HMCN1: variants seen among roughly 807,000 people sequenced by gnomAD.
HMCN1 encodes the protein hemicentin-1.
A neutral mutation model predicts 625.9 loss-of-function variants in HMCN1; 321 were observed. The observed-to-expected ratio is 0.51, with a 90% CI of 0.47 to 0.56. The LOEUF is 0.56. Ranked by LOEUF, HMCN1 falls within the 20% of genes least tolerant of loss-of-function variation. The probability of loss-of-function intolerance (pLI) is 0.00; values close to 1 mark genes in which losing one functional copy is unlikely to be tolerated. For missense variants in HMCN1, 6,588 were observed against 6,887.3 expected, an observed-to-expected ratio of 0.96 and a Z score of 1.54; for synonymous variants, 2,425 against 2,417.6, an observed-to-expected ratio of 1.00 and a Z score of -0.09.
chr1:186,111,617 A>G (rs1352902301), intron 71 of HMCN1, among the ~76,000 whole-genome samples: 2 of 152,324 alleles, frequency 1.3e-5, no homozygotes, highest in Admixed American at 1.3e-4. Context: ...CTACTGCGGC[A>G]TGGGTGACAG....
chr1:185,813,898 A>G (rs1207331768), intron 1 of HMCN1, among the ~76,000 whole-genome samples: 1 of 152,142 alleles, frequency 6.6e-6, no homozygotes, highest in East Asian at 1.9e-4. Flanking sequence ...TCAAGTTTAG[A>G]CTCATCTTGG....
At position 186,070,634 on chromosome 1, in the gene HMCN1, G is replaced by A; in HGVS notation, c.8016G>A (p.Gly2672=). 2 of 1,612,692 alleles carry A rather than the reference G, an allele frequency of 1.2e-6. No homozygotes were observed. Residue 2672 remains glycine (G), a synonymous_variant, in exon 52 of 107, where the codon GGG becomes GGA. Transcript: ENST00000271588. ...KVYIPPIINK[G]DLWGPGLSPK... ...CAGTTCCACCCATAATCAATAAAGG[G>A]GACCTTTGGGGGCCAGGTCTTTCCC...
chr1:185,852,486 TTTTTGGACATG>T (rs1662221623), intron 2 of HMCN1, among the ~76,000 whole-genome samples: 1 of 151,828 alleles, frequency 6.6e-6, no homozygotes. Context: ...TTGATTTTCA[TTTTTGGACATG>T]ATTAGACATG....
Position 186,088,290 on chromosome 1 carries a change from G to T in HMCN1, c.9577+14G>T. The T allele has an allele frequency of 6.2e-7, 1 of 1,611,852 alleles. No individual in the cohort carries two copies. The highest frequency in any genetic ancestry group is 8.5e-7 in the Non-Finnish European group (1 of 1,178,672). The stretch of plus-strand genomic sequence containing the variant: ...ACAAGCGCATAGGTAAGGCAACCAT[G>T]CATTTTTGTGTGTGTGTGTGTTTTT... On this transcript the variant is annotated intron_variant, in intron 62 of 106. Transcript: ENST00000271588.
chr1:186,123,144 T>C lies in HMCN1; in HGVS notation c.12423T>C (p.Gly4141=), dbSNP rs768468786. The change falls in exon 81 of 107, where the codon GGT becomes GGC. Residue 4141 remains glycine, a synonymous_variant. Transcript: ENST00000271588. ...GSLQIAFVQP[G]DAGHYTCMAA... ...TGCAAATAGCATTTGTCCAGCCTGG[T>C]GATGCTGGCCATTACACGTGCATGG... The C allele has an allele frequency of 8.1e-6, 13 of 1,614,006 alleles. No individual in the cohort carries two copies. In the South Asian group the frequency reaches 1.4e-4, roughly 18 times the overall value.
chr1:186,100,739 C>T (rs570004522), intron 68 of HMCN1, among the ~76,000 whole-genome samples: 69 of 152,076 alleles, frequency 4.5e-4, no homozygotes, highest in Non-Finnish European at 9.0e-4. Context: ...GGGTTAAACA[C>T]AGTACTTCTG....
intron 62 of HMCN1, 99 bp from the exon 63 acceptor site, chr1:186,088,507 G>T (rs1277597481): frequency 5.6e-6 from 8 of 1,425,792 alleles, no homozygotes; most frequent in Non-Finnish European, 7.6e-6. Flanking sequence ...TTTAAGAAAT[G>T]CATTTATCAC....
intron 4 of HMCN1, among the ~76,000 whole-genome samples, chr1:185,875,052 C>A (rs1336219940): frequency 6.6e-6 from 1 of 151,416 alleles, no homozygotes; most frequent in African/African-American, 2.4e-5. Flanking sequence ...TTAATTTGAA[C>A]AATGTTTCTT....
intron 25 of HMCN1, among the ~76,000 whole-genome samples, chr1:185,998,572 A>G (rs1421639974): frequency 1.3e-5 from 2 of 151,976 alleles, no homozygotes; most frequent in Non-Finnish European, 2.9e-5. Flanking sequence ...CTCCCACTGG[A>G]CCCGCTGGTG....
At chr1:186,140,004 CAAG>C (rs899996981) in intron 89 of HMCN1, among the ~76,000 whole-genome samples, 2 of 152,012 alleles carry the variant, frequency 1.3e-5, no homozygotes, top group African/African-American at 4.8e-5. Context: ...AAAAGAGTTG[CAAG>C]AAGAGTACAG....
rs1014169847 is a variant in HMCN1 at position 185,951,516 on chromosome 1, A to T, written c.1829-11002A>T. Among the ~76,000 whole-genome samples, 7 of 147,428 alleles carry T rather than the reference A, an allele frequency of 4.7e-5. 1 individual carries two copies. The highest frequency in any genetic ancestry group is 1.1e-4 in the Non-Finnish European group (7 of 65,684). On this transcript the variant is annotated intron_variant, in intron 11 of 106. Coordinates refer to ENST00000271588, the MANE Select transcript of HMCN1 (RefSeq NM_031935.3). ...GAGAGTTACCCGAAGCTCAGTGTCC[A>T]TGATGGTCTAGGGGGCTTCTGAGGC...
chr1:186,044,197 A>C (rs1656398522), intron 40 of HMCN1, among the ~76,000 whole-genome samples: 1 of 152,314 alleles, frequency 6.6e-6, no homozygotes, highest in Admixed American at 6.5e-5. Flanking sequence ...CATTGAAAAT[A>C]ATGTCAGTGT....
At position 186,088,180 on chromosome 1, in the gene HMCN1, A is replaced by T; in HGVS notation, c.9481A>T (p.Ile3161Phe). ...PSIEGPEREV[I>F]VETISNPVTL... ...TATTGAAGGACCTGAAAGAGAAGTG[A>T]TTGTGGAGACGATCAGCAATCCTGT... The change falls in exon 62 of 107, where the codon ATT becomes TTT. Residue 3161 changes from isoleucine to phenylalanine, a missense_variant. Around this residue, in one of 3 missense-constraint regions of HMCN1, gnomAD observed 4,628 missense variants for 4,853.1 expected, o/e 0.95. Coordinates refer to ENST00000271588, the MANE Select transcript of HMCN1 (RefSeq NM_031935.3). The T allele has an allele frequency of 1.9e-6, 3 of 1,611,952 alleles. No homozygotes were observed. The highest frequency in any genetic ancestry group is 2.7e-5 in the African/African-American group (2 of 74,938).
At chr1:185,861,178 C>A (rs990576046) in intron 2 of HMCN1, among the ~76,000 whole-genome samples, 2 of 152,112 alleles carry the variant, frequency 1.3e-5, no homozygotes, top group African/African-American at 4.8e-5. Context: ...CCTCTTAGGG[C>A]AAATTTATAC....
chr1:186,031,565 G>A (rs1240812437), intron 36 of HMCN1, among the ~76,000 whole-genome samples: 1 of 151,540 alleles, frequency 6.6e-6, no homozygotes, highest in African/African-American at 2.4e-5. Flanking sequence ...CTTCAAATTT[G>A]GGAACATTTC....
chr1:186,131,343 G>A (rs1571396049), intron 85 of HMCN1, among the ~76,000 whole-genome samples: 1 of 152,054 alleles, frequency 6.6e-6, no homozygotes, highest in East Asian at 1.9e-4. Flanking sequence ...CTTCTGTTAT[G>A]AAATTATTTC....
chr1:185,886,816 T>A (rs2102402210), intron 4 of HMCN1, among the ~76,000 whole-genome samples: 1 of 152,270 alleles, frequency 6.6e-6, no homozygotes, highest in Admixed American at 6.5e-5. Context: ...AATATCACTT[T>A]CATCACGCCC....
In HMCN1 at chr1:186,038,939, A is replaced by G; in HGVS notation, c.5962A>G (p.Ile1988Val). 1 of 1,612,458 alleles carries G rather than the reference A, an allele frequency of 6.2e-7. No homozygotes were observed. Among genetic ancestry groups the G allele is most frequent in the Non-Finnish European group, 8.5e-7 (1 of 1,178,556 alleles). The part of the protein sequence containing the change: ...IESAQISDAG[I>V]YKCVAINSAG... ...AAGTGCCCAGATCTCAGATGCTGGC[A>G]TATATAAATGCGTGGCCATCAACTC... Residue 1988 changes from isoleucine to valine, a missense_variant, in exon 38 of 107, where the codon ATA (isoleucine) becomes GTA (valine). This residue lies in a region of HMCN1 where 4,628 missense variants were observed against 4,853.1 expected (regional missense o/e 0.95). Coordinates refer to ENST00000271588, the MANE Select transcript of HMCN1 (RefSeq NM_031935.3).
intron 50 of HMCN1, 47 bp from the exon 51 acceptor site, chr1:186,069,616 C>T: frequency 8.1e-7 from 1 of 1,232,600 alleles, no homozygotes; most frequent in Non-Finnish European, 1.2e-6. Context: ...GTGTACTCCA[C>T]TGTCACTGTG....
Sources: gnomAD v4.1 joint callset for allele counts (sites outside exome capture counted in the v4.1 genomes callset) on GRCh38, gnomAD v4.1.1 for gene constraint, gnomAD v4.1.1 regional missense constraint, MANE v1.5 for transcripts, NCBI Gene and HGNC (gene_info 2026-07-23, HGNC 2026-07-21) for gene names.